IMMT: variants seen among roughly 807,000 people sequenced by gnomAD.
IMMT encodes the protein inner membrane mitochondrial protein.
IMMT carries 40 observed loss-of-function variants against 92.7 expected under a neutral mutation model. The ratio of observed to expected loss-of-function variants is 0.43; its 90% confidence interval spans 0.34 to 0.56. The LOEUF is 0.56. IMMT is among the 20% of genes least tolerant of loss of function. IMMT has a pLI of 0.03. For missense variants in IMMT, 831 were observed against 912.1 expected, an observed-to-expected ratio of 0.91 and a Z score of 1.14; for synonymous variants, 322 against 336.1, an observed-to-expected ratio of 0.96 and a Z score of 0.46.
chr2:86,187,686 A>G (rs1672864095), intron 1 of IMMT, among the ~76,000 whole-genome samples: 1 of 152,106 alleles, frequency 6.6e-6, no homozygotes, highest in South Asian at 2.1e-4. Flanking sequence ...TGAGGCAGGC[A>G]GATCACCTGA....
At chr2:86,177,180 A>G (rs1480343898) in intron 3 of IMMT, among the ~76,000 whole-genome samples, 3 of 152,072 alleles carry the variant, frequency 2.0e-5, no homozygotes, top group Admixed American at 2.0e-4. Flanking sequence ...CTGATCAGCT[A>G]TGTCCAGCCT....
intron 3 of IMMT, 135 bp from the exon 4 acceptor site, chr2:86,173,896 T>C (rs550618620): frequency 1.8e-6 from 1 of 570,506 alleles, no homozygotes; most frequent in South Asian, 2.2e-5. Flanking sequence ...ACATATGTAT[T>C]TTATTAAACA....
chr2:86,179,399 T>C (rs757672222), intron 3 of IMMT, 34 bp downstream of exon 3: 6 of 1,467,794 alleles, frequency 4.1e-6, no homozygotes, highest in Admixed American at 2.5e-5. Context: ...AAGTATTTCA[T>C]TGGATAAACT....
At chr2:86,188,800 C>T (rs920953032) in intron 1 of IMMT, among the ~76,000 whole-genome samples, 5 of 152,008 alleles carry the variant, frequency 3.3e-5, no homozygotes, top group Non-Finnish European at 7.4e-5. Context: ...AAAAGAAACA[C>T]CTCATCAGAT....
rs1443272123 is a variant in IMMT at position 86,166,592 on chromosome 2, C to T, written c.708G>A (p.Leu236=). The T allele has an allele frequency of 1.2e-6, 2 of 1,613,090 alleles. No individual in the cohort carries two copies. Among genetic ancestry groups the T allele is most frequent in the Non-Finnish European group, 1.7e-6 (2 of 1,179,686 alleles). ...CAGCATTCTGAGCTGCAATAGCCTG[C>T]AGAGTGACACTTGCAGTTTGCCTCA... is the stretch of plus-strand genomic sequence containing the variant. The part of the protein sequence containing the change: ...DALRQTASVT[L]QAIAAQNAAV... Residue 236 remains leucine, a synonymous_variant, in exon 7 of 15, where the codon CTG becomes CTA. Coordinates refer to ENST00000410111, the MANE Select transcript of IMMT (RefSeq NM_006839.3).
intron 10 of IMMT, chr2:86,158,264 AT>A: frequency 5.5e-6 from 1 of 181,822 alleles, no homozygotes; most frequent in Admixed American, 5.4e-5. Flanking sequence ...ATACAATAAT[AT>A]TTCAGTAGTG....
chr2:86,171,814 C>T (rs1037950180), intron 4 of IMMT, among the ~76,000 whole-genome samples: 1 of 151,474 alleles, frequency 6.6e-6, no homozygotes, highest in African/African-American at 2.4e-5. Flanking sequence ...GATGAAAGGT[C>T]ACAGTGATCA....
At chr2:86,195,058 C>A in intron 1 of IMMT, 2 of 391,342 alleles carry the variant, frequency 5.1e-6, no homozygotes, top group Non-Finnish European at 9.5e-6. Context: ...AGGATTGGTC[C>A]TGGACGGGGG....
rs1427500859 is a variant in IMMT, at chr2:86,147,760, T to C, written c.1475A>G (p.Asp492Gly). Residue 492 changes from aspartate to glycine, a missense_variant, in exon 13 of 15, where the codon GAT becomes GGT. Physicochemically the swap from Asp to Gly is moderately conservative, Grantham distance 94 (BLOSUM62 -1). Coordinates refer to ENST00000410111, the MANE Select transcript of IMMT (RefSeq NM_006839.3). ...TACCCTAAGGACATCTCGCAAGTGA[T>C]CAGTGTGGGCAGCTGCCTGTCGGCG... ...QLRRQAAAHT[D>G]HLRDVLRVQE... The C allele has an allele frequency of 1.3e-5, 21 of 1,613,868 alleles. No homozygotes were observed. Among genetic ancestry groups the C allele is most frequent in the Non-Finnish European group, 1.6e-5 (19 of 1,179,868 alleles).
chr2:86,179,192 AT>A (rs1677663504), intron 3 of IMMT, among the ~76,000 whole-genome samples: 1 of 152,252 alleles, frequency 6.6e-6, no homozygotes, highest in Admixed American at 6.5e-5. Flanking sequence ...TTTACAATGT[AT>A]TAGATATTAC....
intron 1 of IMMT, among the ~76,000 whole-genome samples, chr2:86,182,551 T>C (rs996463821): frequency 1.3e-5 from 2 of 152,226 alleles, no homozygotes; most frequent in South Asian, 2.1e-4. Flanking sequence ...ATTTCAATTA[T>C]TGACATGGTG....
In IMMT at chr2:86,185,347, A is replaced by G. The variant is rs546957207; in HGVS notation, c.46-3975T>C. On this transcript the variant is annotated intron_variant, in intron 1 of 14. Coordinates refer to ENST00000410111, the MANE Select transcript of IMMT (RefSeq NM_006839.3). ...AGAGTCAGGATTTGGTGGGTTCAAA[A>G]ATAAAACTGCTTATTGTTTTCAAAT... Among the ~76,000 whole-genome samples the G allele has an allele frequency of 9.8e-5, 15 of 152,334 alleles. No homozygotes were observed. The South Asian group carries it at 3.1e-3, about 32-fold the overall frequency.
intron 1 of IMMT, among the ~76,000 whole-genome samples, chr2:86,185,082 G>A (rs1672678577): frequency 5.3e-5 from 8 of 152,086 alleles, no homozygotes; most frequent in Admixed American, 4.6e-4. Context: ...CAGCTACTCG[G>A]GAGGCTGAGG....
chr2:86,164,320 G>C (rs1445303194), intron 7 of IMMT, among the ~76,000 whole-genome samples: 1 of 150,154 alleles, frequency 6.7e-6, no homozygotes. Flanking sequence ...GCCTCCCACA[G>C]TGCTGGGATT....
In IMMT at chr2:86,144,246, T is replaced by C; in HGVS notation, c.*22A>G. 6.2e-7 allele frequency: 1 copy of C among 1,610,834 alleles called. No individual in the cohort carries two copies. The highest frequency in any genetic ancestry group is 8.5e-7 in the Non-Finnish European group (1 of 1,177,524). On this transcript the variant is annotated 3_prime_UTR_variant, in exon 15 of 15. Transcript: ENST00000410111. ...GATTTCCTTTGACATGAAATATGAC[T>C]TTATGAAAATCTTCCTAAACCTCAC...
chr2:86,156,357 C>T (rs1213686537), intron 10 of IMMT, among the ~76,000 whole-genome samples: 2 of 151,870 alleles, frequency 1.3e-5, no homozygotes, highest in African/African-American at 4.8e-5. Context: ...TTTGGGAGGC[C>T]GAGGTAGATG....
chr2:86,159,767 G>C, intron 8 of IMMT, 96 bp from the exon 9 acceptor site: 1 of 1,114,574 alleles, frequency 9.0e-7, no homozygotes, highest in Non-Finnish European at 1.2e-6. Flanking sequence ...AAAAGTCTAT[G>C]AAACAGGCTG....
At chr2:86,151,247 T>C in intron 12 of IMMT, 50 bp downstream of exon 12, 1 of 1,434,328 alleles carries the variant, frequency 7.0e-7, no homozygotes. Flanking sequence ...AAGTAAACAA[T>C]CAAGTTAGAG....
chr2:86,182,981 G>A (rs1000892618), intron 1 of IMMT, among the ~76,000 whole-genome samples: 1 of 152,056 alleles, frequency 6.6e-6, no homozygotes, highest in Non-Finnish European at 1.5e-5. Context: ...TAATAGAAAA[G>A]GGTGTTTTCC....
Sources: allele counts gnomAD v4.1 joint callset (sites outside exome capture counted in the v4.1 genomes callset), GRCh38; gene constraint gnomAD v4.1.1; transcripts MANE v1.5; gene names NCBI Gene and HGNC (gene_info 2026-07-23, HGNC 2026-07-21).